ARHGEF10L: variants seen among roughly 807,000 people sequenced by gnomAD.
ARHGEF10L encodes the protein rho guanine nucleotide exchange factor 10-like protein.
In ARHGEF10L, 69 loss-of-function variants were observed where a neutral mutation model predicts 141.2. The observed-to-expected ratio is 0.49, with a 90% CI of 0.40 to 0.60. ARHGEF10L has a LOEUF of 0.60. ARHGEF10L is among the 20% of genes least tolerant of loss of function. The pLI, the probability that ARHGEF10L is intolerant of heterozygous loss-of-function variation, is 0.00. For missense variants in ARHGEF10L, 1,482 were observed against 1,734.3 expected (o/e 0.85, Z 2.58); for synonymous variants, 711 against 718.5 (o/e 0.99, Z 0.17).
At chr1:17,688,505 C>T (rs2064805772) in intron 27 of ARHGEF10L, among the ~76,000 whole-genome samples, 1 of 152,358 alleles carries the variant, frequency 6.6e-6, no homozygotes, top group African/African-American at 2.4e-5. Context: ...CCCAGCTTCC[C>T]CCAGAGAGAC....
Position 17,648,584 on chromosome 1 carries a change from C to G in ARHGEF10L, c.2303C>G (p.Pro768Arg). The change falls in exon 22 of 29, where the codon CCG (proline) becomes CGG (arginine). Residue 768 changes from proline (P) to arginine (R), a missense_variant. This residue lies in a region of ARHGEF10L where 858 missense variants were observed against 966.3 expected (regional missense o/e 0.89). Transcript: ENST00000361221. ...REENQPGWLC[P>R]DEDKKSKAPF... ...GAGAACCAGCCAGGCTGGCTATGCC[C>G]GGATGAGGACAAGAAGAGCAAAGCC... 8 of 1,613,760 alleles carry G rather than the reference C, an allele frequency of 5.0e-6. No homozygotes were observed. Among genetic ancestry groups the G allele is most frequent in the Non-Finnish European group, 6.8e-6 (8 of 1,180,014 alleles).
intron 1 of ARHGEF10L, among the ~76,000 whole-genome samples, chr1:17,541,550 G>C (rs565256738): frequency 1.3e-5 from 2 of 152,258 alleles, no homozygotes; most frequent in Admixed American, 1.3e-4. Flanking sequence ...ATAAGAGGAG[G>C]TTGGGTGTGG....
intron 26 of ARHGEF10L, among the ~76,000 whole-genome samples, chr1:17,678,005 G>C (rs1161693714): frequency 6.6e-6 from 1 of 152,122 alleles, no homozygotes; most frequent in African/African-American, 2.4e-5. Flanking sequence ...CTGCGGGTGA[G>C]CTGAGCTGAG....
intron 4 of ARHGEF10L, among the ~76,000 whole-genome samples, chr1:17,597,145 C>T (rs938995520): frequency 2.0e-5 from 3 of 152,182 alleles, no homozygotes; most frequent in Non-Finnish European, 2.9e-5. Flanking sequence ...TCCCCATCTC[C>T]TGCCCCTCAC....
chr1:17,610,240 C>T (rs767141777), intron 7 of ARHGEF10L, among the ~76,000 whole-genome samples: 2 of 152,180 alleles, frequency 1.3e-5, no homozygotes, highest in Non-Finnish European at 2.9e-5. Flanking sequence ...GCCCGGTAAT[C>T]TGCCTTTTAA....
At chr1:17,605,967 C>T (rs974627999) in intron 6 of ARHGEF10L, among the ~76,000 whole-genome samples, 1 of 152,188 alleles carries the variant, frequency 6.6e-6, no homozygotes, top group Admixed American at 6.5e-5. Context: ...CCGTCTCCCA[C>T]TAAGCTTTGG....
intron 2 of ARHGEF10L, among the ~76,000 whole-genome samples, chr1:17,581,824 C>A (rs2078596029): frequency 6.6e-6 from 1 of 150,918 alleles, no homozygotes; most frequent in Admixed American, 6.6e-5. Context: ...CCATGCCCTG[C>A]ACCCCTGGGA....
intron 1 of ARHGEF10L, among the ~76,000 whole-genome samples, chr1:17,566,772 C>G (rs958655253): frequency 6.6e-6 from 1 of 152,202 alleles, no homozygotes; most frequent in African/African-American, 2.4e-5. Flanking sequence ...CCTCACAGCA[C>G]CTATGACCAG....
chr1:17,524,369 A>ACACACT, the ARHGEF10L span, among the ~76,000 whole-genome samples: 2 of 46,392 alleles, frequency 4.3e-5, no homozygotes, highest in African/African-American at 2.1e-4. Flanking sequence ...GTCTCTACAC[A>ACACACT]CACACACACA....
In ARHGEF10L at chr1:17,656,416, A is replaced by G. The variant is rs2102039944; in HGVS notation, c.2706-138A>G. 9.3e-7 allele frequency: 1 copy of G among 1,074,922 alleles called. No individual in the cohort carries two copies. Among genetic ancestry groups the G allele is most frequent in the Non-Finnish European group, 1.4e-6 (1 of 733,822 alleles). 66.6% of individuals were successfully genotyped at this position (1,074,922 alleles called of 1,614,324 possible). A position where few individuals can be genotyped will look rare whatever the true frequency, so the allele number is the denominator to read the frequency against. ...AAGTGAGCTCCCGCATGGTGGAGCT[A>G]TGGCCTGGCCACACAGCCGAAAGGC... is the stretch of plus-strand genomic sequence containing the variant. On this transcript the variant is annotated intron_variant, in intron 24 of 28. Transcript: ENST00000361221. The surrounding 1 kb of genome is among the most constrained non-coding windows in gnomAD (Gnocchi z 4.9).
chr1:17,542,092 T>TG (rs1248711272), intron 1 of ARHGEF10L, among the ~76,000 whole-genome samples: 25 of 151,902 alleles, frequency 1.6e-4, no homozygotes, highest in African/African-American at 5.8e-4. Context: ...TGAACCAAGA[T>TG]TGTGCCACTG....
At chr1:17,651,930 G>T (rs1380052009) in intron 22 of ARHGEF10L, among the ~76,000 whole-genome samples, 1 of 152,180 alleles carries the variant, frequency 6.6e-6, no homozygotes, top group Non-Finnish European at 1.5e-5. Context: ...CATCAGCTGT[G>T]TGCTGGCAGC....
rs756470398 is a variant in ARHGEF10L, at chr1:17,624,500, CA to C, written c.1316del (p.Lys439SerfsTer16). ...LTKPAFLEFL[K>X]RRQVCSPDRV... ...CCAAGCCTGCCTTCCTCGAGTTCCT[CA>C]AGGTGGGCCTCCATGGTGGTACCGT... is the stretch of plus-strand genomic sequence containing the variant. On this transcript the variant is annotated frameshift_variant and splice_region_variant, in exon 13 of 29. Coordinates refer to ENST00000361221, the MANE Select transcript of ARHGEF10L (RefSeq NM_018125.4). LOFTEE classifies it high-confidence loss of function. 6.2e-7 allele frequency: 1 copy of C among 1,613,242 alleles called. No individual in the cohort carries two copies. The highest frequency in any genetic ancestry group is 1.1e-5 in the South Asian group (1 of 91,050).
Position 17,603,626 on chromosome 1 carries a change from G to C in ARHGEF10L, c.433+35G>C, listed in dbSNP as rs368674107. The stretch of plus-strand genomic sequence containing the variant: ...CTGCAGTGCTTCCCTGTTTCTCTTG[G>C]GGACAGGGGAGGGAGGCTGGGACTG... On this transcript the variant is annotated intron_variant, in intron 6 of 28. Transcript: ENST00000361221. The surrounding 1 kb of genome is among the most constrained non-coding windows in gnomAD (Gnocchi z 4.8). 15 of 1,559,250 alleles carry C rather than the reference G, an allele frequency of 9.6e-6. No individual in the cohort carries two copies. The highest frequency in any genetic ancestry group is 1.4e-5 in the African/African-American group (1 of 73,466).
the ARHGEF10L span, among the ~76,000 whole-genome samples, chr1:17,513,520 T>G: frequency 3.9e-5 from 6 of 152,162 alleles, no homozygotes; most frequent in African/African-American, 7.2e-5. Context: ...ACTGCTGACT[T>G]CAGGTGAAAA....
intron 7 of ARHGEF10L, among the ~76,000 whole-genome samples, chr1:17,610,304 G>T (rs1026182003): frequency 1.1e-4 from 16 of 152,202 alleles, no homozygotes; most frequent in African/African-American, 3.4e-4. Context: ...TCCAAGAAAT[G>T]CTGGGCTGTA....
the ARHGEF10L span, among the ~76,000 whole-genome samples, chr1:17,513,728 T>C: frequency 2.0e-5 from 3 of 152,190 alleles, no homozygotes; most frequent in Admixed American, 6.6e-5. Flanking sequence ...TTTGGAGGGC[T>C]GACCTTGGGC....
intron 26 of ARHGEF10L, among the ~76,000 whole-genome samples, chr1:17,674,010 C>T (rs895480690): frequency 2.6e-5 from 4 of 152,172 alleles, no homozygotes; most frequent in African/African-American, 7.2e-5. Flanking sequence ...CCATCAGCCC[C>T]GTGTTCCATT....
At chr1:17,679,019 G>T (rs1425215454) in intron 26 of ARHGEF10L, among the ~76,000 whole-genome samples, 1 of 152,188 alleles carries the variant, frequency 6.6e-6, no homozygotes, top group Non-Finnish European at 1.5e-5. Context: ...TTCCAAAATG[G>T]ATTGTTAAAG....
Sources: gnomAD v4.1 joint callset for allele counts (sites outside exome capture counted in the v4.1 genomes callset) on GRCh38, gnomAD v4.1.1 for gene constraint, gnomAD v4.1.1 regional missense constraint, Gnocchi (gnomAD v3.1) non-coding constraint, MANE v1.5 for transcripts, NCBI Gene and HGNC (gene_info 2026-07-23, HGNC 2026-07-21) for gene names.